The following TIPARP variants were observed in gnomAD, a reference collection of about 807,000 sequenced individuals.
TIPARP encodes protein mono-ADP-ribosyltransferase TIPARP.
In TIPARP, 12 loss-of-function variants were observed where a neutral mutation model predicts 56.5. That is an observed-to-expected ratio of 0.21 (90% CI 0.14 to 0.34). The LOEUF (loss-of-function observed/expected upper bound fraction) is 0.34. Ranked by LOEUF, TIPARP falls within the 10% of genes least tolerant of loss-of-function variation. The pLI, the probability that TIPARP is intolerant of heterozygous loss-of-function variation, is 1.00. For synonymous variants in TIPARP, 296 were observed against 265.7 expected (o/e 1.11, Z -1.11); for missense variants, 604 against 781.6 (o/e 0.77, Z 2.71).
intron 2 of TIPARP, among the ~76,000 whole-genome samples, chr3:156,690,412 A>G (rs892549761): frequency 6.6e-6 from 1 of 152,166 alleles, no homozygotes; most frequent in East Asian, 1.9e-4. Flanking sequence ...TTGGTAATGT[A>G]TGTCGGAAAA....
At chr3:156,692,207 A>G (rs548773933) in intron 2 of TIPARP, among the ~76,000 whole-genome samples, 15 of 152,314 alleles carry the variant, frequency 9.8e-5, no homozygotes, top group Admixed American at 2.6e-4. Flanking sequence ...ACTTGAAACA[A>G]TCTTAACAGG....
intron 2 of TIPARP, among the ~76,000 whole-genome samples, chr3:156,688,334 C>G (rs1428933596): frequency 1.6e-5 from 2 of 128,684 alleles, no homozygotes; most frequent in Non-Finnish European, 3.1e-5. Context: ...CTAGTTGGCA[C>G]TATTGTACTC....
intron 3 of TIPARP, 23 bp from the exon 4 acceptor site, chr3:156,695,842 T>TTTTGTTTTTTTTTTTCCTCCA: frequency 7.2e-7 from 1 of 1,396,938 alleles, no homozygotes; most frequent in Non-Finnish European, 9.3e-7. Context: ...TTTTTTTTTT[T>TTTTGTTTTTTTTTTTCCTCCA]TGTTCTGTTT....
chr3:156,695,847 C>CTTTTTTTTT lies in TIPARP; in HGVS notation c.1087-17_1087-16insTTTTTTTTT. 1 of 580,106 alleles carries CTTTTTTTTT rather than the reference C, an allele frequency of 1.7e-6. No individual in the cohort carries two copies. The highest frequency in any genetic ancestry group is 2.3e-6 in the Non-Finnish European group (1 of 436,570). The allele number at this position is 580,106 out of a possible 1,614,324, so 35.9% of individuals were successfully genotyped here. ...TTTCCTTTTTTTTTTTTTTTTTGTT[C>CTTTTTTTTT]TGTTTTCTCCTCCATAGTCTGTCAT... On this transcript the variant is annotated splice_polypyrimidine_tract_variant and intron_variant, in intron 3 of 5. Transcript: ENST00000295924.
chr3:156,683,163 A>G (rs1046265966), intron 2 of TIPARP, among the ~76,000 whole-genome samples: 1 of 152,182 alleles, frequency 6.6e-6, no homozygotes, highest in East Asian at 1.9e-4. Flanking sequence ...CCTTGTCAAA[A>G]TGATTTATAA....
chr3:156,678,803 G>T (rs1722218162), intron 2 of TIPARP, among the ~76,000 whole-genome samples, 189 bp downstream of exon 2: 1 of 152,118 alleles, frequency 6.6e-6, no homozygotes. Flanking sequence ...ACCGGACAAT[G>T]AAAGTTTTAC....
At chr3:156,680,689 G>C (rs1722274304) in intron 2 of TIPARP, among the ~76,000 whole-genome samples, 1 of 152,162 alleles carries the variant, frequency 6.6e-6, no homozygotes, top group African/African-American at 2.4e-5. Flanking sequence ...GGAATTCTTA[G>C]GTCAGGAGCA....
chr3:156,697,379 C>G (rs923956637), intron 4 of TIPARP, among the ~76,000 whole-genome samples: 1 of 148,870 alleles, frequency 6.7e-6, no homozygotes, highest in South Asian at 2.1e-4. Flanking sequence ...GGTGAAAATG[C>G]GTCTGTTTTT....
chr3:156,676,108 G>A (rs1722118707), intron 1 of TIPARP, among the ~76,000 whole-genome samples: 1 of 152,220 alleles, frequency 6.6e-6, no homozygotes, highest in African/African-American at 2.4e-5. Context: ...GGCCGGTTTG[G>A]TATGGTGGAG....
intron 3 of TIPARP, among the ~76,000 whole-genome samples, chr3:156,694,679 C>T (rs1722667399): frequency 6.6e-6 from 1 of 152,162 alleles, no homozygotes; most frequent in Admixed American, 6.5e-5. Context: ...ACAATTTTCT[C>T]CTATGTGCAC....
chr3:156,690,360 G>A (rs978169459), intron 2 of TIPARP, among the ~76,000 whole-genome samples: 1 of 151,928 alleles, frequency 6.6e-6, no homozygotes, highest in Admixed American at 6.6e-5. Context: ...AAATATGTGC[G>A]GCATACTTTC....
chr3:156,684,455 C>CT (rs1236700776), intron 2 of TIPARP, among the ~76,000 whole-genome samples: 1 of 151,854 alleles, frequency 6.6e-6, no homozygotes, highest in Admixed American at 6.6e-5. Context: ...GAAGGAATTC[C>CT]TTTTTTTTGA....
At position 156,702,669 on chromosome 3, in the gene TIPARP, A is replaced by G. The variant is rs563528507; in HGVS notation, c.1248-755A>G. On this transcript the variant is annotated intron_variant, in intron 4 of 5. Transcript: ENST00000295924. The stretch of plus-strand genomic sequence containing the variant: ...CATTTCGAAATGGCCAAGGAATATG[A>G]TTTAAATTTAAGCATTTAACTAGGC... Among the ~76,000 whole-genome samples, 4 of 152,322 alleles carry G rather than the reference A, an allele frequency of 2.6e-5. No homozygotes were observed. In the East Asian group the frequency reaches 7.7e-4, roughly 29 times the overall value.
chr3:156,696,166 T>G, intron 4 of TIPARP, 141 bp downstream of exon 4: 4 of 839,244 alleles, frequency 4.8e-6, no homozygotes, highest in Non-Finnish European at 7.0e-6. Flanking sequence ...CTTTGGATTT[T>G]AATTCCTCAA....
intron 5 of TIPARP, among the ~76,000 whole-genome samples, chr3:156,704,329 A>G (rs144475379): frequency 9.8e-5 from 15 of 152,314 alleles, no homozygotes; most frequent in East Asian, 9.7e-4. Flanking sequence ...TCTCAAGTCA[A>G]CAAACTAATG....
chr3:156,705,153 T>G lies in TIPARP; in HGVS notation c.*22T>G, dbSNP rs1235736451. 1 of 1,541,828 alleles carries G rather than the reference T, an allele frequency of 6.5e-7. No homozygotes were observed. Among genetic ancestry groups the G allele is most frequent in the African/African-American group, 1.4e-5 (1 of 72,602 alleles). On this transcript the variant is annotated 3_prime_UTR_variant, in exon 6 of 6. Transcript: ENST00000295924. Reference sequence around the variant, plus strand: ...TTGAAAAATCTTGGTACTGCTAAATTATTTGATATGAACTCAATCCAGCAT... The same window carrying G: ...TTGAAAAATCTTGGTACTGCTAAATGATTTGATATGAACTCAATCCAGCAT...
chr3:156,678,062 C>T lies in TIPARP; in HGVS notation c.365C>T (p.Pro122Leu), dbSNP rs772928271. 15 of 1,614,034 alleles carry T rather than the reference C, an allele frequency of 9.3e-6. No individual in the cohort carries two copies. Among genetic ancestry groups the T allele is most frequent in the East Asian group, 2.2e-5 (1 of 44,878 alleles). ...PDRTNVGDQI[P>L]EAHPSTEAPE... ...AGGACAAATGTTGGGGACCAGATAC[C>T]GGAAGCCCATCCTTCCACTGAAGCT... The change falls in exon 2 of 6, where the codon CCG (proline) becomes CTG (leucine). Residue 122 changes from proline (P) to leucine (L), a missense_variant. By Grantham distance (98) the Pro-to-Leu change is moderately conservative (BLOSUM62 -3). Around this residue, in one of 4 missense-constraint regions of TIPARP, gnomAD observed 261 missense variants for 279.2 expected, o/e 0.93. Coordinates refer to ENST00000295924, the MANE Select transcript of TIPARP (RefSeq NM_015508.5).
At chr3:156,699,334 A>G (rs1170123106) in intron 4 of TIPARP, among the ~76,000 whole-genome samples, 1 of 152,198 alleles carries the variant, frequency 6.6e-6, no homozygotes, top group Non-Finnish European at 1.5e-5. Flanking sequence ...GGAAGGGTCA[A>G]TTAATGTGGC....
intron 2 of TIPARP, chr3:156,681,193 C>T (rs1339210569): frequency 2.2e-6 from 1 of 456,594 alleles, no homozygotes; most frequent in Admixed American, 2.3e-5. Context: ...AGCCCAGGTT[C>T]ACATGGTTAC....
Sources: gnomAD v4.1 joint callset for allele counts (sites outside exome capture counted in the v4.1 genomes callset) on GRCh38, gnomAD v4.1.1 for gene constraint, gnomAD v4.1.1 regional missense constraint, MANE v1.5 for transcripts, NCBI Gene and HGNC (gene_info 2026-07-23, HGNC 2026-07-21) for gene names.